The following PCDH15 variants were observed in gnomAD, a reference collection of about 807,000 sequenced individuals.
PCDH15 encodes the protein protocadherin related 15.
Under a neutral mutation model 178.5 loss-of-function variants are expected in PCDH15, and 129 were observed. That is an observed-to-expected ratio of 0.72 (90% CI 0.63 to 0.84). The LOEUF (loss-of-function observed/expected upper bound fraction) is 0.84. Among genes scored for constraint, PCDH15 ranks in the 40% least tolerant of loss-of-function variants. The pLI, the probability that PCDH15 is intolerant of heterozygous loss-of-function variation, is 0.00. For missense variants in PCDH15, 2,230 were observed against 2,099.9 expected (o/e 1.06, Z -1.21); for synonymous variants, 800 against 732.0 (o/e 1.09, Z -1.50).
chr10:54,412,669 A>C (rs1376205847), intron 3 of PCDH15, among the ~76,000 whole-genome samples: 6 of 152,176 alleles, frequency 3.9e-5, no homozygotes, highest in African/African-American at 9.6e-5. Flanking sequence ...CTTCACTTGG[A>C]TCTACCATCC....
rs1323678393 is a variant in PCDH15, at chr10:55,432,113, A to ACACACACACACACC, written c.-156+195511_-156+195512insGGTGTGTGTGTGTG. Among the ~76,000 whole-genome samples, 4 of 142,796 alleles carry ACACACACACACACC rather than the reference A, an allele frequency of 2.8e-5. No individual in the cohort carries two copies. The East Asian group carries it at 5.9e-4, about 21-fold the overall frequency. The allele number at this position is 142,796 out of a possible 152,430, so 93.7% of individuals were successfully genotyped here. A position where few individuals can be genotyped will look rare whatever the true frequency, so the allele number is the denominator to read the frequency against. On this transcript the variant is annotated intron_variant, in intron 2 of 5. Transcript: ENST00000613346. ...CACACACACACACACACACACACACACCACAAGTCTCTCCAATTATATGCT... is the reference window on the plus strand; with the variant it reads ...CACACACACACACACACACACACACACACACACACACACCCCACAAGTCTCTCCAATTATATGCT...
chr10:54,697,674 G>GGGGAGGGA (rs2095251910), intron 1 of PCDH15, among the ~76,000 whole-genome samples: 1 of 123,290 alleles, frequency 8.1e-6, no homozygotes, highest in Non-Finnish European at 1.7e-5. Flanking sequence ...AAGGGGGAAG[G>GGGGAGGGA]GGAAGGGAGG....
intron 2 of PCDH15, among the ~76,000 whole-genome samples, chr10:55,163,511 T>G (rs1839115524): frequency 6.6e-6 from 1 of 152,110 alleles, no homozygotes; most frequent in Non-Finnish European, 1.5e-5. Context: ...TAAGACCTAT[T>G]GGGCTGCATA....
chr10:54,267,351 TAAGAAC>T (rs1478553957), intron 8 of PCDH15, among the ~76,000 whole-genome samples: 1 of 151,818 alleles, frequency 6.6e-6, no homozygotes, highest in African/African-American at 2.4e-5. Context: ...GGAATTCTCA[TAAGAAC>T]AAGAACAAAA....
chr10:54,703,593 G>A (rs1482982484), intron 1 of PCDH15, among the ~76,000 whole-genome samples: 1 of 151,842 alleles, frequency 6.6e-6, no homozygotes, highest in African/African-American at 2.4e-5. Context: ...CAACATCCAA[G>A]ATGAGAGCCA....
chr10:54,335,534 A>G (rs1940903389), intron 6 of PCDH15, among the ~76,000 whole-genome samples: 1 of 152,142 alleles, frequency 6.6e-6, no homozygotes. Context: ...GCATTTCCCC[A>G]TACTGTTTTT....
chr10:54,553,447 G>C (rs1002946041), intron 2 of PCDH15, among the ~76,000 whole-genome samples: 17 of 152,080 alleles, frequency 1.1e-4, no homozygotes, highest in African/African-American at 3.9e-4. Context: ...GACTTTTTCT[G>C]TGATCTGTTT....
intron 7 of PCDH15, among the ~76,000 whole-genome samples, chr10:54,326,547 T>C (rs1938153915): frequency 6.6e-6 from 1 of 152,178 alleles, no homozygotes; most frequent in Non-Finnish European, 1.5e-5. Flanking sequence ...GTTTGCTAAC[T>C]AGCTAATTGT....
intron 2 of PCDH15, among the ~76,000 whole-genome samples, chr10:55,367,472 T>G (rs1221292846): frequency 6.6e-6 from 1 of 151,996 alleles, no homozygotes; most frequent in African/African-American, 2.4e-5. Context: ...TCCCTGCTAC[T>G]TGGGAGGCTG....
intron 26 of PCDH15, among the ~76,000 whole-genome samples, chr10:53,888,262 T>C (rs531778635): frequency 7.1e-5 from 7 of 97,920 alleles, no homozygotes; most frequent in East Asian, 3.9e-4. Context: ...ACCAATTGGA[T>C]ACAAATAAAC....
At chr10:55,609,015 T>C (rs7907376) in intron 2 of PCDH15, among the ~76,000 whole-genome samples, 63,891 of 126,468 alleles carry the variant, frequency 0.51, 13,891 homozygotes, top group East Asian at 0.64. Flanking sequence ...TATATATATA[T>C]ACACACACAC....
chr10:53,968,363 C>G (rs1248199225), intron 21 of PCDH15, among the ~76,000 whole-genome samples: 1 of 152,178 alleles, frequency 6.6e-6, no homozygotes, highest in Non-Finnish European at 1.5e-5. Flanking sequence ...GAAGCTCGAA[C>G]CGGGTGGAGC....
chr10:55,449,336 G>T (rs1413667), intron 2 of PCDH15, among the ~76,000 whole-genome samples: 116,261 of 151,862 alleles, frequency 0.77, 45,856 homozygotes, highest in East Asian at 0.99. Context: ...AAACAAATGC[G>T]GATTTGCAAG....
chr10:54,309,246 T>C (rs1291308288), intron 8 of PCDH15, among the ~76,000 whole-genome samples: 1 of 151,818 alleles, frequency 6.6e-6, no homozygotes, highest in Non-Finnish European at 1.5e-5. Flanking sequence ...CTAGACTGTA[T>C]AAAATAAATA....
intron 3 of PCDH15, among the ~76,000 whole-genome samples, chr10:54,480,969 C>T (rs1416141191): frequency 1.3e-5 from 2 of 151,818 alleles, no homozygotes; most frequent in East Asian, 3.9e-4. Context: ...TATGAGAGCC[C>T]GTATTGCTGA....
rs2134391789 is a variant in PCDH15, at chr10:54,237,073, T to C, written c.877-142A>G. The C allele has an allele frequency of 6.6e-6, 5 of 759,922 alleles. No individual in the cohort carries two copies. The South Asian group carries it at 7.4e-5, about 11-fold the overall frequency. 47.1% of individuals were successfully genotyped at this position (759,922 alleles called of 1,614,324 possible). On this transcript the variant is annotated intron_variant, in intron 8 of 37. Coordinates refer to ENST00000644397, the MANE Select transcript of PCDH15 (RefSeq NM_001384140.1). ...TCAACATTTATGATCTAATACCTTT[T>C]ACTAGTTAATTTTGAATGTTAAGGG...
At chr10:54,234,239 G>A (rs2054389331) in intron 9 of PCDH15, among the ~76,000 whole-genome samples, 1 of 151,270 alleles carries the variant, frequency 6.6e-6, no homozygotes, top group South Asian at 2.1e-4. Flanking sequence ...TAGGTAACAT[G>A]CCTTATTTTC....
chr10:54,025,177 C>T (rs1258577242), intron 18 of PCDH15, among the ~76,000 whole-genome samples: 1 of 152,256 alleles, frequency 6.6e-6, no homozygotes, highest in African/African-American at 2.4e-5. Context: ...TATACATCCA[C>T]TAGGAAACAT....
At chr10:55,270,377 A>T (rs1367363820) in intron 1 of PCDH15, among the ~76,000 whole-genome samples, 2 of 152,196 alleles carry the variant, frequency 1.3e-5, no homozygotes, top group East Asian at 3.9e-4. Context: ...AAATATTCAC[A>T]AACTATGCAT....
Sources: gnomAD v4.1 joint callset for allele counts (sites outside exome capture counted in the v4.1 genomes callset) on GRCh38, gnomAD v4.1.1 for gene constraint, MANE v1.5 for transcripts, NCBI Gene and HGNC (gene_info 2026-07-23, HGNC 2026-07-21) for gene names.